CDKAL1: variants seen among roughly 807,000 people sequenced by gnomAD.
CDKAL1 encodes CDKAL1 threonylcarbamoyladenosine tRNA methylthiotransferase.
In CDKAL1, 32 loss-of-function variants were observed where a neutral mutation model predicts 68.2. The observed-to-expected ratio is 0.47, with a 90% confidence interval of 0.35 to 0.63. The LOEUF (loss-of-function observed/expected upper bound fraction) is 0.63. CDKAL1 is among the 30% of genes least tolerant of loss of function. The pLI is 0.00. For synonymous variants in CDKAL1, 234 were observed against 244.3 expected, an observed-to-expected ratio of 0.96 and a Z score of 0.39; for missense variants, 606 against 696.7, an observed-to-expected ratio of 0.87 and a Z score of 1.47.
Position 20,688,294 on chromosome 6 carries a change from A to T in CDKAL1, c.371+38917A>T, listed in dbSNP as rs375826322. 7.2e-5 allele frequency among the ~76,000 whole-genome samples: 11 copies of T among 152,220 alleles called. No homozygotes were observed. In the South Asian group the frequency reaches 8.3e-4, roughly 11 times the overall value. Reference sequence around the variant, plus strand: ...GTGGCATAAAGTTAGGGAAATTTTCAGTGATTACTGCTCTGTATATTTCTG... The same window carrying T: ...GTGGCATAAAGTTAGGGAAATTTTCTGTGATTACTGCTCTGTATATTTCTG... On this transcript the variant is annotated intron_variant, in intron 5 of 15. Coordinates refer to ENST00000274695, the MANE Select transcript of CDKAL1 (RefSeq NM_017774.3).
chr6:21,089,563 G>T (rs1772888959), intron 12 of CDKAL1, among the ~76,000 whole-genome samples: 1 of 104,642 alleles, frequency 9.6e-6, no homozygotes, highest in Non-Finnish European at 2.2e-5. Context: ...GGATTGGCCA[G>T]CAAAGCTCTC....
chr6:20,994,334 C>A (rs1766992598), intron 10 of CDKAL1, among the ~76,000 whole-genome samples: 1 of 152,140 alleles, frequency 6.6e-6, no homozygotes, highest in Admixed American at 6.5e-5. Context: ...CTAAAATTAG[C>A]CAGGTACGGT....
In CDKAL1 at chr6:20,614,850, A is replaced by G. The variant is rs370469312; in HGVS notation, c.287-34443A>G. ...TTGTGCAGGTTAGTTACATATGTAT[A>G]CATGTGCCATGCTGATGCGCTGCAC... On this transcript the variant is annotated intron_variant, in intron 4 of 15. Coordinates refer to ENST00000274695, the MANE Select transcript of CDKAL1 (RefSeq NM_017774.3). Among the ~76,000 whole-genome samples the G allele has an allele frequency of 4.0e-5, 6 of 151,800 alleles. No homozygotes were observed. In the East Asian group the frequency reaches 9.7e-4, roughly 25 times the overall value.
chr6:20,698,919 T>A (rs77427013), intron 5 of CDKAL1, among the ~76,000 whole-genome samples: 2,275 of 152,272 alleles, frequency 0.015, 46 homozygotes, highest in African/African-American at 0.052. Flanking sequence ...ATTTATTCTA[T>A]TTAAATGATA....
intron 9 of CDKAL1, among the ~76,000 whole-genome samples, chr6:20,917,195 G>A (rs1010689809): frequency 1.3e-5 from 2 of 152,118 alleles, no homozygotes; most frequent in Non-Finnish European, 1.5e-5. Flanking sequence ...TGGCCAGGCT[G>A]ATCTTGAACT....
chr6:20,800,814 A>T (rs779818749), intron 8 of CDKAL1: 1 of 152,386 alleles, frequency 6.6e-6, no homozygotes, highest in South Asian at 2.1e-4. Context: ...GGGTCTTGCT[A>T]TGTTGCCCAG....
intron 4 of CDKAL1, among the ~76,000 whole-genome samples, chr6:20,613,038 CACACACAA>C (rs1232644845): frequency 7.0e-4 from 76 of 107,922 alleles, no homozygotes; most frequent in African/African-American, 2.5e-3. Flanking sequence ...CACACACACA[CACACACAA>C]AGGGTATGGA....
At chr6:21,220,385 C>T (rs1582441775) in intron 15 of CDKAL1, among the ~76,000 whole-genome samples, 1 of 152,128 alleles carries the variant, frequency 6.6e-6, no homozygotes, top group Admixed American at 6.5e-5. Context: ...ACCTTTTCTA[C>T]GTACCTCTCT....
intron 4 of CDKAL1, among the ~76,000 whole-genome samples, chr6:20,629,897 AG>A (rs1453475712): frequency 6.6e-6 from 1 of 151,992 alleles, no homozygotes; most frequent in South Asian, 2.1e-4. Context: ...CCCTGTTGCC[AG>A]GCTGGAGTGC....
intron 2 of CDKAL1, among the ~76,000 whole-genome samples, chr6:20,543,005 C>G (rs1051449683): frequency 6.6e-6 from 1 of 152,196 alleles, no homozygotes; most frequent in African/African-American, 2.4e-5. Context: ...TAGTACATTT[C>G]TTTTTATTGC....
Position 21,058,542 on chromosome 6 carries a change from T to C in CDKAL1, c.1056-6506T>C, listed in dbSNP as rs532864415. Among the ~76,000 whole-genome samples, 31 of 152,360 alleles carry C rather than the reference T, an allele frequency of 2.0e-4. No individual in the cohort carries two copies. In the South Asian group the frequency reaches 6.4e-3, roughly 32 times the overall value. ...AGGCTAATATTGTTATGTTTGAATC[T>C]GATCCTGTCATCATGACTCTAACTA... On this transcript the variant is annotated intron_variant, in intron 11 of 15. Coordinates refer to ENST00000274695, the MANE Select transcript of CDKAL1 (RefSeq NM_017774.3).
At chr6:20,667,721 A>G (rs1769619098) in intron 5 of CDKAL1, among the ~76,000 whole-genome samples, 1 of 152,126 alleles carries the variant, frequency 6.6e-6, no homozygotes, top group African/African-American at 2.4e-5. Flanking sequence ...TTTGGGGACC[A>G]TGTGTAGAGG....
chr6:20,716,953 C>T (rs991120204), intron 5 of CDKAL1, among the ~76,000 whole-genome samples: 7 of 151,856 alleles, frequency 4.6e-5, no homozygotes, highest in Non-Finnish European at 1.0e-4. Context: ...TGGAGGAAGT[C>T]GGGGGAAGTG....
intron 5 of CDKAL1, among the ~76,000 whole-genome samples, chr6:20,671,000 T>C (rs1184681612): frequency 6.6e-6 from 1 of 152,180 alleles, no homozygotes; most frequent in Non-Finnish European, 1.5e-5. Context: ...CTTTTGCTTA[T>C]TGATTTTTAT....
intron 9 of CDKAL1, among the ~76,000 whole-genome samples, chr6:20,859,776 A>G (rs1351428154): frequency 1.3e-5 from 2 of 152,218 alleles, no homozygotes; most frequent in African/African-American, 2.4e-5. Context: ...ACTTTTCATC[A>G]AAGCCCATGA....
At chr6:21,174,341 T>C (rs1030249545) in intron 13 of CDKAL1, among the ~76,000 whole-genome samples, 4 of 152,188 alleles carry the variant, frequency 2.6e-5, no homozygotes, top group Non-Finnish European at 5.9e-5. Flanking sequence ...GTCGGTATAA[T>C]CTTAGTCAAA....
At chr6:20,576,525 A>T (rs1257279558) in intron 4 of CDKAL1, among the ~76,000 whole-genome samples, 1 of 152,188 alleles carries the variant, frequency 6.6e-6, no homozygotes, top group Admixed American at 6.5e-5. Flanking sequence ...GTGGTAAAGC[A>T]ATTCTTATTT....
chr6:20,700,277 C>T (rs1284423215), intron 5 of CDKAL1, among the ~76,000 whole-genome samples: 1 of 151,626 alleles, frequency 6.6e-6, no homozygotes, highest in Non-Finnish European at 1.5e-5. Context: ...ATCACTTGAA[C>T]CTGGGAGCCG....
At chr6:21,188,718 A>G (rs1778115671) in intron 13 of CDKAL1, among the ~76,000 whole-genome samples, 1 of 152,156 alleles carries the variant, frequency 6.6e-6, no homozygotes, top group Non-Finnish European at 1.5e-5. Context: ...GGGGAAAAAC[A>G]GACCTGATGT....
Sources: gnomAD v4.1 joint callset for allele counts (sites outside exome capture counted in the v4.1 genomes callset) on GRCh38, gnomAD v4.1.1 for gene constraint, MANE v1.5 for transcripts, NCBI Gene and HGNC (gene_info 2026-07-23, HGNC 2026-07-21) for gene names.